Variants in ZSWIM3 observed in about 807,000 individuals in gnomAD.
ZSWIM3 encodes zinc finger SWIM domain-containing protein 3.
Under a neutral mutation model 47.5 loss-of-function variants are expected in ZSWIM3, and 27 were observed. That is an observed-to-expected ratio of 0.57 (90% CI 0.42 to 0.78). The LOEUF is 0.78. ZSWIM3 is among the 30% of genes least tolerant of loss of function. The pLI is 0.00. For synonymous variants in ZSWIM3, 333 were observed against 333.9 expected (o/e 1.00, Z 0.03); for missense variants, 689 against 861.3 (o/e 0.80, Z 2.50).
At position 45,877,414 on chromosome 20, in the gene ZSWIM3, C is replaced by A; in HGVS notation, c.856C>A (p.Pro286Thr). The change falls in exon 2 of 2, where the codon CCT (proline) becomes ACT (threonine). Residue 286 changes from proline (P) to threonine (T), a missense_variant. Pro to Thr is a conservative substitution (Grantham distance 38). Transcript: ENST00000255152. ...CAAGGTCAAGGTGGTCTTTGTGGAC[C>A]CTTCATTCCATTACCGGGCTATCCT... ...WPKVKVVFVDPSFHYRAILQE... is the reference protein window; with the variant it reads ...WPKVKVVFVDTSFHYRAILQE... The A allele has an allele frequency of 1.2e-6, 2 of 1,614,148 alleles. No individual in the cohort carries two copies. Among genetic ancestry groups the A allele is most frequent in the African/African-American group, 1.3e-5 (1 of 75,038 alleles).
chr20:45,857,854 A>T lies in ZSWIM3; in HGVS notation c.29A>T (p.Tyr10Phe), dbSNP rs142623986. The change falls in exon 1 of 2, where the codon TAT (tyrosine) becomes TTT (phenylalanine). Residue 10 changes from tyrosine to phenylalanine, a missense_variant. Tyr to Phe is a conservative substitution (Grantham distance 22). Transcript: ENST00000255152. ...GAGCTGGGCAGCTGCTTCAAGACCTATGAGGACTTCAAGGAGTGCTTCAGC... is the reference window on the plus strand; with the variant it reads ...GAGCTGGGCAGCTGCTTCAAGACCTTTGAGGACTTCAAGGAGTGCTTCAGC... Reference protein sequence around the residue: MELGSCFKTYEDFKECFSAY... With the variant: MELGSCFKTFEDFKECFSAY... The T allele has an allele frequency of 2.6e-4, 416 of 1,614,118 alleles. No homozygotes were observed. In the African/African-American group the frequency reaches 5.1e-3, roughly 20 times the overall value.
intron 1 of ZSWIM3, among the ~76,000 whole-genome samples, chr20:45,863,194 T>G (rs575444884): frequency 1.3e-5 from 2 of 152,154 alleles, no homozygotes; most frequent in African/African-American, 2.4e-5. Context: ...TGTTTGTTTG[T>G]TTTTTTGTTT....
intron 1 of ZSWIM3, among the ~76,000 whole-genome samples, chr20:45,865,979 T>G: frequency 2.5e-5 from 3 of 118,192 alleles, no homozygotes; most frequent in East Asian, 2.4e-4. Context: ...GATGACAGAG[T>G]GAGACTCTGT....
At position 45,876,641 on chromosome 20, in the gene ZSWIM3, C is replaced by T. The variant is rs1201185641; in HGVS notation, c.156-73C>T. ...GGCATGAGCCACTGTACCCAGCCCC[C>T]TTCAGGGTCTTATCTTTATAAGGGG... On this transcript the variant is annotated intron_variant, in intron 1 of 1. Transcript: ENST00000255152. 9 of 1,540,394 alleles carry T rather than the reference C, an allele frequency of 5.8e-6. No homozygotes were observed. The East Asian group carries it at 1.8e-4, about 31-fold the overall frequency.
Position 45,876,927 on chromosome 20 carries a change from C to A in ZSWIM3, c.369C>A (p.Cys123Ter). 1.2e-6 allele frequency: 2 copies of A among 1,614,066 alleles called. No individual in the cohort carries two copies. Among genetic ancestry groups the A allele is most frequent in the Non-Finnish European group, 1.7e-6 (2 of 1,180,014 alleles). The change falls in exon 2 of 2, where the codon TGC (cysteine) becomes TGA (stop). Residue 123 changes from cysteine to a stop codon, truncating the protein, a stop_gained. Transcript: ENST00000255152. LOFTEE classifies it high-confidence loss of function. ...CTGGCAAATCTCAAAAGACAATGTGCCTGCAGAGACTCCAGCCTGTGCAGC... is the reference window on the plus strand; with the variant it reads ...CTGGCAAATCTCAAAAGACAATGTGACTGCAGAGACTCCAGCCTGTGCAGC... ...DTTGKSQKTM[C>*]LQRLQPVQPT...
rs1985780593 is a variant in ZSWIM3, at chr20:45,864,288, G to A, written c.155+6308G>A. ...CAGCACAGGTCTTTAGCAGAAACAA[G>A]TTGACTGCTGGTTGTGATGTTATAA... On this transcript the variant is annotated intron_variant, in intron 1 of 1. Coordinates refer to ENST00000255152, the MANE Select transcript of ZSWIM3 (RefSeq NM_080752.4). Among the ~76,000 whole-genome samples the A allele has an allele frequency of 2.0e-5, 3 of 152,174 alleles. No individual in the cohort carries two copies. The South Asian group carries it at 6.2e-4, about 32-fold the overall frequency.
Position 45,878,446 on chromosome 20 carries a change from C to T in ZSWIM3, c.1888C>T (p.Leu630Phe). 6.2e-7 allele frequency: 1 copy of T among 1,614,194 alleles called. No individual in the cohort carries two copies. The highest frequency in any genetic ancestry group is 8.5e-7 in the Non-Finnish European group (1 of 1,180,030). ...CCTAAGCAGGGAGTTAGCAAACCTG[C>T]TCATGCAGACCGAGGGGCCAGAGCT... Reference protein sequence around the residue: ...QDLSRELANLLMQTEGPELEE... With the variant: ...QDLSRELANLFMQTEGPELEE... Residue 630 changes from leucine (L) to phenylalanine (F), a missense_variant, in exon 2 of 2, where the codon CTC becomes TTC. Leu to Phe is a conservative substitution (Grantham distance 22). Transcript: ENST00000255152.
chr20:45,877,416 T>C lies in ZSWIM3; in HGVS notation c.858T>C (p.Pro286=), dbSNP rs759343926. 2.5e-6 allele frequency: 4 copies of C among 1,614,212 alleles called. No homozygotes were observed. Among genetic ancestry groups the C allele is most frequent in the Non-Finnish European group, 3.4e-6 (4 of 1,180,042 alleles). Residue 286 remains proline (P), a synonymous_variant, in exon 2 of 2, where the codon CCT becomes CCC. Coordinates refer to ENST00000255152, the MANE Select transcript of ZSWIM3 (RefSeq NM_080752.4). The part of the protein sequence containing the change: ...WPKVKVVFVD[P]SFHYRAILQE... ...AGGTCAAGGTGGTCTTTGTGGACCC[T>C]TCATTCCATTACCGGGCTATCCTGC...
At chr20:45,871,860 C>CAAAAAAAAA (rs1418920398) in intron 1 of ZSWIM3, among the ~76,000 whole-genome samples, 1 of 58,740 alleles carries the variant, frequency 1.7e-5, no homozygotes, top group African/African-American at 5.5e-5. Context: ...ATATCTGTCT[C>CAAAAAAAAA]AAAGAAAAAA....
chr20:45,871,864 GAAAAAAAAA>G (rs11410450), intron 1 of ZSWIM3, among the ~76,000 whole-genome samples: 1 of 131,914 alleles, frequency 7.6e-6, no homozygotes, highest in Non-Finnish European at 1.6e-5. Flanking sequence ...CTGTCTCAAA[GAAAAAAAAA>G]AAAAGAAAAA....
intron 1 of ZSWIM3, among the ~76,000 whole-genome samples, chr20:45,868,452 C>G (rs1325490806): frequency 6.6e-6 from 1 of 151,222 alleles, no homozygotes; most frequent in Non-Finnish European, 1.5e-5. Context: ...TCTTGCTCTC[C>G]TGTCCAGGCC....
At chr20:45,868,924 C>A (rs894016279) in intron 1 of ZSWIM3, among the ~76,000 whole-genome samples, 1 of 151,824 alleles carries the variant, frequency 6.6e-6, no homozygotes, top group African/African-American at 2.4e-5. Flanking sequence ...GCCTCAGCCT[C>A]TTGAGTAGCT....
At chr20:45,875,013 T>G (rs1249843136) in intron 1 of ZSWIM3, among the ~76,000 whole-genome samples, 1 of 150,982 alleles carries the variant, frequency 6.6e-6, no homozygotes, top group African/African-American at 2.4e-5. Flanking sequence ...GTGCCCTGAT[T>G]TGGGGGGGGT....
intron 1 of ZSWIM3, among the ~76,000 whole-genome samples, chr20:45,868,310 T>C (rs1474086936): frequency 6.6e-6 from 1 of 152,190 alleles, no homozygotes; most frequent in East Asian, 1.9e-4. Context: ...AGGATTTGCC[T>C]AGGAAAAATT....
chr20:45,866,626 C>T (rs937659485), intron 1 of ZSWIM3, among the ~76,000 whole-genome samples: 2 of 151,986 alleles, frequency 1.3e-5, no homozygotes, highest in African/African-American at 4.8e-5. Flanking sequence ...GGCAACATAG[C>T]GAGACCCCAT....
chr20:45,873,070 T>G (rs1363995861), intron 1 of ZSWIM3, among the ~76,000 whole-genome samples: 1 of 152,050 alleles, frequency 6.6e-6, no homozygotes, highest in Non-Finnish European at 1.5e-5. Flanking sequence ...TCCCACCCAT[T>G]GGTGGTCCAT....
At chr20:45,858,110 T>C in intron 1 of ZSWIM3, 130 bp downstream of exon 1, 3 of 975,150 alleles carry the variant, frequency 3.1e-6, no homozygotes, top group Non-Finnish European at 4.6e-6. Context: ...CAGGCACTCA[T>C]TGAGCACCTG....
intron 1 of ZSWIM3, among the ~76,000 whole-genome samples, chr20:45,866,514 A>T (rs549916194): frequency 3.3e-5 from 5 of 151,854 alleles, no homozygotes; most frequent in Admixed American, 6.6e-5. Context: ...GGGGATGATT[A>T]AGGAAATTCA....
At position 45,878,523 on chromosome 20, in the gene ZSWIM3, C is replaced by T; in HGVS notation, c.1965C>T (p.Pro655=). ...AGATTGTGGATATCTGGGCTGGCCC[C>T]TCCCAGCCATCTGAGCTCTTTCAGC... The part of the protein sequence containing the change: ...LRKIVDIWAG[P]SQPSELFQQP... Residue 655 remains proline (P), a synonymous_variant, in exon 2 of 2, where the codon CCC becomes CCT. Coordinates refer to ENST00000255152, the MANE Select transcript of ZSWIM3 (RefSeq NM_080752.4). 1 of 1,614,238 alleles carries T rather than the reference C, an allele frequency of 6.2e-7. No individual in the cohort carries two copies. Among genetic ancestry groups the T allele is most frequent in the Non-Finnish European group, 8.5e-7 (1 of 1,180,048 alleles).
Sources: allele counts gnomAD v4.1 joint callset (sites outside exome capture counted in the v4.1 genomes callset), GRCh38; gene constraint gnomAD v4.1.1; transcripts MANE v1.5; gene names NCBI Gene and HGNC (gene_info 2026-07-23, HGNC 2026-07-21).